The following ATF7IP variants were observed in gnomAD, a reference collection of about 807,000 sequenced individuals.
ATF7IP encodes activating transcription factor 7-interacting protein 1.
Under a neutral mutation model 106.4 loss-of-function variants are expected in ATF7IP, and 23 were observed. The ratio of observed to expected loss-of-function variants is 0.22; its 90% confidence interval spans 0.16 to 0.31. The LOEUF (loss-of-function observed/expected upper bound fraction) is 0.31, where lower values mean the gene tolerates loss of function less well. ATF7IP is among the 10% of genes least tolerant of loss of function. The pLI is 1.00. For synonymous variants in ATF7IP, 542 were observed against 539.0 expected (o/e 1.01, Z -0.08); for missense variants, 1,334 against 1,524.3 (o/e 0.88, Z 2.08).
At chr12:14,439,462 A>G (rs937449844) in intron 5 of ATF7IP, among the ~76,000 whole-genome samples, 3 of 152,246 alleles carry the variant, frequency 2.0e-5, no homozygotes, top group Non-Finnish European at 4.4e-5. Flanking sequence ...AAAATGCCTG[A>G]AGATTTGAAA....
At chr12:14,418,418 G>A (rs1295283839) in intron 1 of ATF7IP, among the ~76,000 whole-genome samples, 1 of 152,134 alleles carries the variant, frequency 6.6e-6, no homozygotes, top group Non-Finnish European at 1.5e-5. Context: ...ATGAATTACA[G>A]TCATGTGAAA....
At chr12:14,374,247 G>A (rs900455899) in intron 1 of ATF7IP, among the ~76,000 whole-genome samples, 4 of 148,824 alleles carry the variant, frequency 2.7e-5, no homozygotes, top group Non-Finnish European at 5.9e-5. Flanking sequence ...ACAGGCACAT[G>A]CCACCAAACC....
rs540694177 is a variant in ATF7IP, at chr12:14,423,889, C to G, written c.-7-20C>G. 16 of 1,549,192 alleles carry G rather than the reference C, an allele frequency of 1.0e-5. No homozygotes were observed. The African/African-American group carries it at 2.2e-4, about 21-fold the overall frequency. ...GCTTCTGTTTCAGTTATTAAACTCT[C>G]TTTCTCTTTTTTCTTAAAGATTCAG... is the stretch of plus-strand genomic sequence containing the variant. On this transcript the variant is annotated intron_variant, in intron 1 of 14. Coordinates refer to ENST00000261168, the MANE Select transcript of ATF7IP (RefSeq NM_018179.5).
chr12:14,434,354 G>A lies in ATF7IP; in HGVS notation c.1576G>A (p.Glu526Lys). ...TCSPAEVESN[E>K]KDNKPEEEEQ... Reference sequence around the variant, plus strand: ...GTTAACAGCAGAAGTAGAAAGTAATGAAAAGGACAACAAACCTGAGGAAGA... The same window carrying A: ...GTTAACAGCAGAAGTAGAAAGTAATAAAAAGGACAACAAACCTGAGGAAGA... The change falls in exon 3 of 15, where the codon GAA (glutamate) becomes AAA (lysine). Residue 526 changes from glutamate (E) to lysine (K), a missense_variant. Physicochemically the swap from Glu to Lys is moderately conservative, Grantham distance 56 (BLOSUM62 1). This residue lies in a region of ATF7IP where 119 missense variants were observed against 117.8 expected (regional missense o/e 1.01). Coordinates refer to ENST00000261168, the MANE Select transcript of ATF7IP (RefSeq NM_018179.5). The A allele has an allele frequency of 1.3e-6, 2 of 1,574,640 alleles. No homozygotes were observed. The highest frequency in any genetic ancestry group is 1.7e-6 in the Non-Finnish European group (2 of 1,149,158).
intron 1 of ATF7IP, among the ~76,000 whole-genome samples, chr12:14,410,022 T>A (rs1940819552): frequency 6.6e-6 from 1 of 152,128 alleles, no homozygotes; most frequent in African/African-American, 2.4e-5. Flanking sequence ...CAATCAATGT[T>A]TGAACATTTA....
At chr12:14,409,459 AAGAT>A (rs1413458680) in intron 1 of ATF7IP, among the ~76,000 whole-genome samples, 4 of 152,146 alleles carry the variant, frequency 2.6e-5, no homozygotes, top group African/African-American at 9.7e-5. Flanking sequence ...TTTCTGGTAA[AAGAT>A]AGTTAATTGA....
chr12:14,414,380 C>T (rs1941084736), intron 1 of ATF7IP, among the ~76,000 whole-genome samples: 1 of 152,166 alleles, frequency 6.6e-6, no homozygotes, highest in South Asian at 2.1e-4. Context: ...GCTTGTCCTG[C>T]CGAGGGCCCA....
At chr12:14,485,239 C>T (rs762086889) in intron 13 of ATF7IP, among the ~76,000 whole-genome samples, 6 of 151,912 alleles carry the variant, frequency 3.9e-5, no homozygotes, top group South Asian at 2.1e-4. Flanking sequence ...TCAGGTCACT[C>T]GATAAATGGG....
At chr12:14,419,110 T>A (rs1310096554) in intron 1 of ATF7IP, 1 of 152,152 alleles carries the variant, frequency 6.6e-6, no homozygotes, top group East Asian at 1.9e-4. Context: ...CTTACTACAT[T>A]CCAAGTGCTT....
At chr12:14,366,454 C>G (rs970058510) in intron 1 of ATF7IP, among the ~76,000 whole-genome samples, 3 of 152,078 alleles carry the variant, frequency 2.0e-5, no homozygotes, top group African/African-American at 4.8e-5. Flanking sequence ...GTTTACAAAA[C>G]AGAAACAATT....
chr12:14,460,504 C>T lies in ATF7IP; in HGVS notation c.2168C>T (p.Thr723Ile). ...FQTPVNTVSS[T>I]NLVTPPAVVS... ...TGTTTTCTTTCTATAGTATCTTCAA[C>T]CAATCTTGTCACTCCTCCAGCAGTT... The change falls in exon 9 of 15, where the codon ACC becomes ATC. Residue 723 changes from threonine to isoleucine, a missense_variant. This residue lies in a region of ATF7IP where 171 missense variants were observed against 172.6 expected (regional missense o/e 0.99). Transcript: ENST00000261168. 2 of 1,612,486 alleles carry T rather than the reference C, an allele frequency of 1.2e-6. No homozygotes were observed. Among genetic ancestry groups the T allele is most frequent in the Non-Finnish European group, 1.7e-6 (2 of 1,178,902 alleles).
rs1369830429 is a variant in ATF7IP, at chr12:14,423,982, C to T, written c.67C>T (p.Arg23Cys). Residue 23 changes from arginine (R) to cysteine (C), a missense_variant, in exon 2 of 15, where the codon CGT becomes TGT. Arg to Cys is a radical substitution (Grantham distance 180, BLOSUM62 -3). This residue lies in a region of ATF7IP where 74 missense variants were observed against 101.9 expected (regional missense o/e 0.73). Coordinates refer to ENST00000261168, the MANE Select transcript of ATF7IP (RefSeq NM_018179.5). ...TCGAAAAACGATGAGAGTGAGTGATCGTCAGCAACTTGAAGCAGTGTACAA... is the reference window on the plus strand; with the variant it reads ...TCGAAAAACGATGAGAGTGAGTGATTGTCAGCAACTTGAAGCAGTGTACAA... The part of the protein sequence containing the change: ...KARKTMRVSD[R>C]QQLEAVYKVK... The T allele has an allele frequency of 1.2e-6, 2 of 1,613,874 alleles. No homozygotes were observed. The highest frequency in any genetic ancestry group is 1.3e-5 in the African/African-American group (1 of 74,868).
Position 14,499,303 on chromosome 12 carries a change from G to C in ATF7IP, c.*1230G>C, listed in dbSNP as rs1945101484. 6.6e-6 allele frequency: 1 copy of C among 152,146 alleles called. No individual in the cohort carries two copies. Among genetic ancestry groups the C allele is most frequent in the African/African-American group, 2.4e-5 (1 of 41,438 alleles). 9.4% of individuals were successfully genotyped at this position (152,146 alleles called of 1,614,324 possible). A position where few individuals can be genotyped will look rare whatever the true frequency, so the allele number is the denominator to read the frequency against. ...CGTGCTATTTTCTTCTAAAACTATA[G>C]ATGCTTTTATTTTTGGTCACTATTT... On this transcript the variant is annotated 3_prime_UTR_variant, in exon 15 of 15. Transcript: ENST00000261168.
rs1941764843 is a variant in ATF7IP at position 14,425,040 on chromosome 12, T to C, written c.1125T>C (p.Ile375=). The part of the protein sequence containing the change: ...PENEKKVEED[I]ITELALGEDA... ...ATGAAAAGAAGGTAGAGGAAGATAT[T>C]ATCACAGAGCTTGCTCTTGGAGAAG... is the stretch of plus-strand genomic sequence containing the variant. The change falls in exon 2 of 15, where the codon ATT becomes ATC. Residue 375 remains isoleucine, a synonymous_variant. Coordinates refer to ENST00000261168, the MANE Select transcript of ATF7IP (RefSeq NM_018179.5). 1.2e-6 allele frequency: 2 copies of C among 1,609,512 alleles called. No homozygotes were observed. The highest frequency in any genetic ancestry group is 3.4e-5 in the Admixed American group (2 of 59,078).
chr12:14,434,449 C>T (rs1942301857), intron 3 of ATF7IP, 26 bp downstream of exon 3: 1 of 1,179,042 alleles, frequency 8.5e-7, no homozygotes, highest in Non-Finnish European at 1.3e-6. Context: ...CAAACTTGAA[C>T]TGGATTGAAA....
At chr12:14,467,730 CT>C (rs1181059633) in intron 10 of ATF7IP, among the ~76,000 whole-genome samples, 6 of 151,072 alleles carry the variant, frequency 4.0e-5, no homozygotes, top group Non-Finnish European at 5.9e-5. Flanking sequence ...ATTATGATGG[CT>C]GTCTTTTGTC....
intron 13 of ATF7IP, among the ~76,000 whole-genome samples, chr12:14,493,827 C>T (rs1057327072): frequency 6.6e-6 from 1 of 152,134 alleles, no homozygotes; most frequent in Non-Finnish European, 1.5e-5. Flanking sequence ...GGAGATAAGA[C>T]TCTCATTCAG....
chr12:14,476,197 A>C (rs896163617), intron 11 of ATF7IP: 20 of 387,562 alleles, frequency 5.2e-5, no homozygotes, highest in Non-Finnish European at 7.9e-5. Context: ...TCGAGGCAAG[A>C]GGTCAGGAGT....
chr12:14,486,042 C>T (rs942330603), intron 13 of ATF7IP, among the ~76,000 whole-genome samples: 1 of 152,152 alleles, frequency 6.6e-6, no homozygotes, highest in African/African-American at 2.4e-5. Context: ...TTTGACCTTT[C>T]CCACCATAGT....
Sources: allele counts gnomAD v4.1 joint callset (sites outside exome capture counted in the v4.1 genomes callset), GRCh38; gene constraint gnomAD v4.1.1; regional missense constraint gnomAD v4.1.1; transcripts MANE v1.5; gene names NCBI Gene and HGNC (gene_info 2026-07-23, HGNC 2026-07-21).